Variants in RBFOX1 observed in about 807,000 individuals in gnomAD.
RBFOX1 encodes RNA binding protein fox-1 homolog 1.
RBFOX1 carries 8 observed loss-of-function variants against 57.7 expected under a neutral mutation model. The ratio of observed to expected loss-of-function variants is 0.14; its 90% confidence interval spans 0.08 to 0.25. The LOEUF is 0.25. Ranked by LOEUF, RBFOX1 falls within the 10% of genes least tolerant of loss-of-function variation. The probability of loss-of-function intolerance (pLI) is 1.00; values close to 1 mark genes in which losing one functional copy is unlikely to be tolerated. For synonymous variants in RBFOX1, 326 were observed against 222.4 expected (o/e 1.47, Z -4.15); for missense variants, 611 against 548.5 (o/e 1.11, Z -1.14).
intron 1 of RBFOX1, among the ~76,000 whole-genome samples, chr16:6,130,846 C>A (rs2096624508): frequency 6.6e-6 from 1 of 152,002 alleles, no homozygotes; most frequent in Non-Finnish European, 1.5e-5. Flanking sequence ...ATGTATGCTG[C>A]TAATAAACAG....
chr16:6,626,536 G>T (rs890011984), intron 2 of RBFOX1, among the ~76,000 whole-genome samples: 1 of 152,194 alleles, frequency 6.6e-6, no homozygotes. Context: ...GAGGCAGGCG[G>T]ATCACCTGGG....
chr16:6,766,954 T>C (rs1348775641), intron 3 of RBFOX1, among the ~76,000 whole-genome samples: 6 of 152,080 alleles, frequency 3.9e-5, no homozygotes, highest in African/African-American at 1.2e-4. Flanking sequence ...TAGCCCTTGG[T>C]AAGTCGGGGG....
At chr16:6,608,995 C>A (rs968400520) in intron 2 of RBFOX1, among the ~76,000 whole-genome samples, 1 of 152,194 alleles carries the variant, frequency 6.6e-6, no homozygotes, top group African/African-American at 2.4e-5. Context: ...GCAAGCCTTT[C>A]TTCCATCAGG....
At chr16:5,483,976 G>T (rs1192176309) in intron 2 of RBFOX1, among the ~76,000 whole-genome samples, 6 of 152,046 alleles carry the variant, frequency 3.9e-5, no homozygotes, top group Non-Finnish European at 2.9e-5. Flanking sequence ...TTTCAGACTA[G>T]CCTGAGCAAT....
chr16:6,945,810 G>A (rs1457329363), intron 3 of RBFOX1, among the ~76,000 whole-genome samples: 3 of 152,224 alleles, frequency 2.0e-5, no homozygotes, highest in African/African-American at 7.2e-5. Flanking sequence ...AGAATCGCCT[G>A]AACCCAGGAG....
chr16:6,921,987 A>T (rs1216704400), intron 3 of RBFOX1, among the ~76,000 whole-genome samples: 1 of 152,178 alleles, frequency 6.6e-6, no homozygotes, highest in East Asian at 1.9e-4. Context: ...ATATACACAG[A>T]ACTAGCACAA....
intron 3 of RBFOX1, among the ~76,000 whole-genome samples, chr16:6,925,025 T>C (rs572513744): frequency 4.2e-4 from 64 of 151,400 alleles, no homozygotes; most frequent in African/African-American, 1.4e-3. Context: ...ACTCATCATT[T>C]TTTATGGCTG....
chr16:6,444,722 G>A (rs929177130), intron 2 of RBFOX1, among the ~76,000 whole-genome samples: 8 of 152,076 alleles, frequency 5.3e-5, no homozygotes, highest in African/African-American at 1.4e-4. Context: ...GGCCAAAGAG[G>A]CCAAAATGCA....
intron 1 of RBFOX1, among the ~76,000 whole-genome samples, chr16:6,299,975 C>T (rs529174033): frequency 1.3e-4 from 20 of 152,326 alleles, no homozygotes; most frequent in South Asian, 2.1e-4. Context: ...AAGCACCTAC[C>T]TAACTCACAT....
intron 3 of RBFOX1, among the ~76,000 whole-genome samples, chr16:6,739,387 A>G (rs1290075224): frequency 1.3e-5 from 2 of 152,130 alleles, no homozygotes; most frequent in East Asian, 3.9e-4. Flanking sequence ...ATTCTCTTGA[A>G]AAGCACAAAC....
intron 4 of RBFOX1, among the ~76,000 whole-genome samples, chr16:6,010,517 T>A (rs1441383229): frequency 6.6e-6 from 1 of 152,236 alleles, no homozygotes; most frequent in Non-Finnish European, 1.5e-5. Flanking sequence ...TGGGCCATTG[T>A]TTCCTGGCTT....
rs151029421 is a variant in RBFOX1 at position 6,101,466 on chromosome 16, T to C, written c.-127+81474T>C. Among the ~76,000 whole-genome samples, 336 of 152,164 alleles carry C rather than the reference T, an allele frequency of 2.2e-3. 1 individual carries two copies. Among genetic ancestry groups the C allele is most frequent in the East Asian group, 0.017 (87 of 5,182 alleles). On this transcript the variant is annotated intron_variant, in intron 1 of 15. Coordinates refer to ENST00000550418, the MANE Select transcript of RBFOX1 (RefSeq NM_018723.4). The stretch of plus-strand genomic sequence containing the variant: ...GTGATGGTTTTGTATCTTCTACTTT[T>C]TAAATTATTATTATTATTTTATTAT...
chr16:7,609,768 A>G (rs879589074), intron 10 of RBFOX1, among the ~76,000 whole-genome samples: 1 of 152,096 alleles, frequency 6.6e-6, no homozygotes, highest in Non-Finnish European at 1.5e-5. Context: ...CATCTCAGAA[A>G]TCGTGTTCTT....
intron 4 of RBFOX1, among the ~76,000 whole-genome samples, chr16:7,331,361 T>C (rs184511144): frequency 6.6e-6 from 1 of 152,170 alleles, no homozygotes; most frequent in Non-Finnish European, 1.5e-5. Flanking sequence ...AAGGTGATTT[T>C]CAGTGATTCC....
chr16:7,309,942 A>G (rs978909749), intron 4 of RBFOX1, among the ~76,000 whole-genome samples: 1 of 152,216 alleles, frequency 6.6e-6, no homozygotes, highest in Non-Finnish European at 1.5e-5. Context: ...TCAGTTAAGA[A>G]AAGCAAAGAA....
chr16:6,042,485 G>T (rs1194092862), intron 1 of RBFOX1, among the ~76,000 whole-genome samples: 1 of 152,108 alleles, frequency 6.6e-6, no homozygotes, highest in Non-Finnish European at 1.5e-5. Flanking sequence ...TAGGTCAGCT[G>T]CTTAGCAACC....
intron 3 of RBFOX1, among the ~76,000 whole-genome samples, chr16:6,786,802 G>A (rs1435324570): frequency 3.9e-5 from 6 of 152,122 alleles, no homozygotes; most frequent in Non-Finnish European, 7.3e-5. Flanking sequence ...AGGTCACATC[G>A]AGGGTCATGG....
In RBFOX1 at chr16:6,115,447, G is replaced by T. The variant is rs369924057; in HGVS notation, c.-127+95455G>T. Reference sequence around the variant, plus strand: ...AATTGAAGCCATATGCAGTAGTGAGGATGTCTTAACAGAGTAGCCCTTTAA... The same window carrying T: ...AATTGAAGCCATATGCAGTAGTGAGTATGTCTTAACAGAGTAGCCCTTTAA... On this transcript the variant is annotated intron_variant, in intron 1 of 15. Coordinates refer to ENST00000550418, the MANE Select transcript of RBFOX1 (RefSeq NM_018723.4). 3.9e-5 allele frequency among the ~76,000 whole-genome samples: 6 copies of T among 152,282 alleles called. 2 individuals carry two copies. The highest frequency in any genetic ancestry group is 1.3e-4 in the Admixed American group (2 of 15,290).
At chr16:5,577,357 G>A (rs533869958) in intron 2 of RBFOX1, among the ~76,000 whole-genome samples, 7 of 152,274 alleles carry the variant, frequency 4.6e-5, no homozygotes, top group Admixed American at 4.6e-4. Flanking sequence ...GCATAGACCT[G>A]TTGGCGGGGG....
Sources: allele counts gnomAD v4.1 joint callset (sites outside exome capture counted in the v4.1 genomes callset), GRCh38; gene constraint gnomAD v4.1.1; transcripts MANE v1.5; gene names NCBI Gene and HGNC (gene_info 2026-07-23, HGNC 2026-07-21).